ECI1: variants seen among roughly 807,000 people sequenced by gnomAD.
The protein encoded by ECI1 is enoyl-CoA delta isomerase 1, mitochondrial.
Under a neutral mutation model 34.2 loss-of-function variants are expected in ECI1, and 34 were observed. The observed-to-expected ratio is 1.00, with a 90% CI of 0.76 to 1.33. ECI1 has a LOEUF of 1.33. Among genes scored for constraint, ECI1 ranks in the 40% most tolerant of loss-of-function variants. The probability of loss-of-function intolerance (pLI) is 0.00; values close to 1 mark genes in which losing one functional copy is unlikely to be tolerated. For synonymous variants in ECI1, 211 were observed against 193.0 expected (o/e 1.09, Z -0.77); for missense variants, 456 against 422.2 (o/e 1.08, Z -0.70).
intron 6 of ECI1, chr16:2,241,856 CA>C (rs1242312876): frequency 6.4e-5 from 8 of 125,472 alleles, no homozygotes; most frequent in African/African-American, 1.6e-4. Context: ...ACGCCCGGCT[CA>C]TTTTTTTTTT....
chr16:2,247,265 T>G (rs958170295), intron 2 of ECI1, among the ~76,000 whole-genome samples: 1 of 151,830 alleles, frequency 6.6e-6, no homozygotes, highest in Admixed American at 6.6e-5. Flanking sequence ...CCCGGATAAT[T>G]TTTTTCTTTT....
chr16:2,245,632 A>G (rs1188165692), intron 3 of ECI1, among the ~76,000 whole-genome samples: 1 of 152,156 alleles, frequency 6.6e-6, no homozygotes, highest in Non-Finnish European at 1.5e-5. Context: ...TTGGGAGGCC[A>G]AGATTGGAGA....
At chr16:2,242,822 G>A (rs1020244235) in intron 6 of ECI1, 21 of 598,432 alleles carry the variant, frequency 3.5e-5, no homozygotes, top group African/African-American at 2.4e-4. Flanking sequence ...GTGCAGTCCT[G>A]CCCACACTTT....
At chr16:2,241,983 T>C (rs1214055739) in intron 6 of ECI1, among the ~76,000 whole-genome samples, 1 of 151,370 alleles carries the variant, frequency 6.6e-6, no homozygotes, top group African/African-American at 2.4e-5. Flanking sequence ...CCTCAGCCTC[T>C]CGAGTAGCTG....
At position 2,243,312 on chromosome 16, in the gene ECI1, C is replaced by T; in HGVS notation, c.563+6G>A. 1 of 1,613,550 alleles carries T rather than the reference C, an allele frequency of 6.2e-7. No individual in the cohort carries two copies. ...CATGGAGCGTGGCTGCAGCCCAGGGCCTTACCAGAAAGGGGCGATGATGCC... is the reference window on the plus strand; with the variant it reads ...CATGGAGCGTGGCTGCAGCCCAGGGTCTTACCAGAAAGGGGCGATGATGCC... On this transcript the variant is annotated splice_donor_region_variant and intron_variant, in intron 5 of 6. Transcript: ENST00000301729.
chr16:2,239,737 C>A lies in ECI1; in HGVS notation c.*242G>T. 1.8e-6 allele frequency: 1 copy of A among 549,298 alleles called. No homozygotes were observed. Among genetic ancestry groups the A allele is most frequent in the Non-Finnish European group, 3.3e-6 (1 of 304,510 alleles). 34.0% of individuals were successfully genotyped at this position (549,298 alleles called of 1,614,324 possible). A position where few individuals can be genotyped will look rare whatever the true frequency, so the allele number is the denominator to read the frequency against. ...ACCAGGTCCAGAATGGCATCCCCTG[C>A]CAGTCACAATCCCAAGTCAAAAGGC... On this transcript the variant is annotated 3_prime_UTR_variant, in exon 7 of 7. Transcript: ENST00000301729.
At chr16:2,248,818 G>A (rs2093546245) in intron 2 of ECI1, among the ~76,000 whole-genome samples, 1 of 152,036 alleles carries the variant, frequency 6.6e-6, no homozygotes, top group South Asian at 2.1e-4. Flanking sequence ...CCTTTTCATT[G>A]TCCCAAAAGG....
intron 3 of ECI1, 131 bp from the exon 4 acceptor site, chr16:2,244,683 C>A: frequency 1.0e-6 from 1 of 992,602 alleles, no homozygotes. Flanking sequence ...GGGTGCTGCC[C>A]CACAGAGCCA....
rs1395314355 is a variant in ECI1, at chr16:2,239,728, C to T, written c.*251G>A. 5.6e-6 allele frequency: 3 copies of T among 535,026 alleles called. No individual in the cohort carries two copies. Among genetic ancestry groups the T allele is most frequent in the Non-Finnish European group, 1.0e-5 (3 of 295,914 alleles). The allele number at this position is 535,026 out of a possible 1,614,324, so 33.1% of individuals were successfully genotyped here. On this transcript the variant is annotated 3_prime_UTR_variant, in exon 7 of 7. Transcript: ENST00000301729. The stretch of plus-strand genomic sequence containing the variant: ...GGCAACCTCACCAGGTCCAGAATGG[C>T]ATCCCCTGCCAGTCACAATCCCAAG...
intron 2 of ECI1, among the ~76,000 whole-genome samples, chr16:2,250,536 A>C (rs1049985828): frequency 1.3e-5 from 2 of 152,068 alleles, no homozygotes; most frequent in Non-Finnish European, 2.9e-5. Context: ...CGGGAGGTCC[A>C]GGTCAGCATG....
In ECI1 at chr16:2,251,523, A is replaced by G. The variant is rs754862311; in HGVS notation, c.44T>C (p.Leu15Pro). 3 of 1,560,362 alleles carry G rather than the reference A, an allele frequency of 1.9e-6. No homozygotes were observed. Among genetic ancestry groups the G allele is most frequent in the Non-Finnish European group, 2.6e-6 (3 of 1,153,760 alleles). ...ASVRVPARVL[L>P]RAGARLPGAA... ...CACCCCGGGTTTCGCACCCGCGCGGAGCAGAACGCGCGCCGGGACTCGCAC... is the reference window on the plus strand; with the variant it reads ...CACCCCGGGTTTCGCACCCGCGCGGGGCAGAACGCGCGCCGGGACTCGCAC... The change falls in exon 1 of 7, where the codon CTC becomes CCC. Residue 15 changes from leucine (L) to proline (P), a missense_variant. Transcript: ENST00000301729.
At chr16:2,250,000 A>C (rs1313280165) in intron 2 of ECI1, among the ~76,000 whole-genome samples, 1 of 144,864 alleles carries the variant, frequency 6.9e-6, no homozygotes, top group Non-Finnish European at 1.5e-5. Flanking sequence ...TGACAGAGGG[A>C]GCCTCTGTCT....
chr16:2,246,295 G>A (rs763751207), intron 3 of ECI1, among the ~76,000 whole-genome samples: 5 of 152,348 alleles, frequency 3.3e-5, no homozygotes, highest in South Asian at 2.1e-4. Flanking sequence ...CCTGAAGACT[G>A]GCCCACAGAG....
intron 6 of ECI1, among the ~76,000 whole-genome samples, chr16:2,242,002 G>A (rs1210730260): frequency 6.6e-6 from 1 of 152,072 alleles, no homozygotes; most frequent in Non-Finnish European, 1.5e-5. Flanking sequence ...TGGGACTACA[G>A]GCGCCCGCCG....
intron 6 of ECI1, 114 bp downstream of exon 6, chr16:2,242,932 T>C (rs1319855841): frequency 1.2e-6 from 1 of 841,334 alleles, no homozygotes. Context: ...GACACCCACA[T>C]GGCTGTGATT....
At position 2,240,001 on chromosome 16, in the gene ECI1, CTCTCTAAGTACA is replaced by C. The variant is rs1388896935; in HGVS notation, c.875_886del (p.Met292_Glu295del). On this transcript the variant is annotated inframe_deletion, in exon 7 of 7. Transcript: ENST00000301729. ...TCGTTAGCCTTTTTCTTCTTTGAGCCTCTCTAAGTACATCTGCAGGGACTTCTGGATGGAGTC... is the reference window on the plus strand; with the variant it reads ...TCGTTAGCCTTTTTCTTCTTTGAGCCTCTGCAGGGACTTCTGGATGGAGTC... 6.2e-7 allele frequency: 1 copy of C among 1,613,724 alleles called. No homozygotes were observed. Among genetic ancestry groups the C allele is most frequent in the Admixed American group, 1.7e-5 (1 of 60,024 alleles).
chr16:2,244,349 C>A lies in ECI1; in HGVS notation c.441+57G>T, dbSNP rs1411597491. 5 of 1,573,148 alleles carry A rather than the reference C, an allele frequency of 3.2e-6. No homozygotes were observed. In the East Asian group the frequency reaches 6.8e-5, roughly 21 times the overall value. ...CAAGGGCAGGACAGTGTCTGTCCCA[C>A]CCCCTGGCGCTGGCCCAGAACAGCC... is the stretch of plus-strand genomic sequence containing the variant. On this transcript the variant is annotated intron_variant, in intron 4 of 6. Coordinates refer to ENST00000301729, the MANE Select transcript of ECI1 (RefSeq NM_001919.4).
At chr16:2,240,247 TGTCGCCCAGGCTGGA>T in intron 6 of ECI1, 102 bp from the exon 7 acceptor site, 1 of 1,334,168 alleles carries the variant, frequency 7.5e-7, no homozygotes, top group Non-Finnish European at 1.0e-6. Flanking sequence ...AGTCTTGCTC[TGTCGCCCAGGCTGGA>T]GTGCAATGGT....
Position 2,246,947 on chromosome 16 carries a change from C to CTGTT in ECI1, c.202_205dup (p.Ser69LysfsTer21). Reference sequence around the variant, plus strand: ...CTCCGTCAGAAACTCCAGGCTCAGGCTGTTCACTGGGGGGTTCTTGAATTT... The same window carrying CTGTT: ...CTCCGTCAGAAACTCCAGGCTCAGGCTGTTTGTTCACTGGGGGGTTCTTGAATTT... On this transcript the variant is annotated frameshift_variant, in exon 3 of 7. Coordinates refer to ENST00000301729, the MANE Select transcript of ECI1 (RefSeq NM_001919.4). LOFTEE classifies it high-confidence loss of function. 6.2e-7 allele frequency: 1 copy of CTGTT among 1,613,822 alleles called. No individual in the cohort carries two copies. Among genetic ancestry groups the CTGTT allele is most frequent in the Non-Finnish European group, 8.5e-7 (1 of 1,180,012 alleles).
Sources: allele counts gnomAD v4.1 joint callset (sites outside exome capture counted in the v4.1 genomes callset), GRCh38; gene constraint gnomAD v4.1.1; transcripts MANE v1.5; gene names NCBI Gene and HGNC (gene_info 2026-07-23, HGNC 2026-07-21).